Variants in FSIP1 observed in about 807,000 individuals in gnomAD.
FSIP1 encodes fibrous sheath interacting protein 1, also known as fibrous sheath-interacting protein 1.
A neutral mutation model predicts 60.9 loss-of-function variants in FSIP1; 65 were observed. That is an observed-to-expected ratio of 1.07 (90% CI 0.87 to 1.31). The LOEUF (loss-of-function observed/expected upper bound fraction) is 1.31, where lower values mean the gene tolerates loss of function less well. Among genes scored for constraint, FSIP1 ranks in the 40% most tolerant of loss-of-function variants. FSIP1 has a pLI of 0.00. For missense variants in FSIP1, 675 were observed against 665.5 expected (o/e 1.01, Z -0.16); for synonymous variants, 209 against 221.2 (o/e 0.94, Z 0.49).
intron 4 of FSIP1, among the ~76,000 whole-genome samples, chr15:39,764,949 C>T (rs80323254): frequency 2.0e-5 from 3 of 152,210 alleles, no homozygotes; most frequent in African/African-American, 7.2e-5. Flanking sequence ...TATTACACCC[C>T]TTCCTATTCC....
At chr15:39,662,915 A>G (rs1016736484) in intron 10 of FSIP1, among the ~76,000 whole-genome samples, 5 of 152,192 alleles carry the variant, frequency 3.3e-5, no homozygotes, top group African/African-American at 1.2e-4. Flanking sequence ...CTAAAGCATT[A>G]CTGTCCTGTA....
chr15:39,739,761 C>G lies in FSIP1; in HGVS notation c.684G>C (p.Glu228Asp). ...KDFTCDVERN[E>D]SLIKSGKKPF... is the part of the protein sequence containing the mutation. ...GTTTCTTTCCTGATTTGATCAATGA[C>G]TCATTTCTTTCCACATCACAGGTAA... Residue 228 changes from glutamate to aspartate, a missense_variant, in exon 7 of 12, where the codon GAG becomes GAC. By Grantham distance (45) the Glu-to-Asp change is conservative. Coordinates refer to ENST00000350221, the MANE Select transcript of FSIP1 (RefSeq NM_152597.5). 6.3e-7 allele frequency: 1 copy of G among 1,581,334 alleles called. No homozygotes were observed.
chr15:39,755,088 G>A (rs2140680633), intron 5 of FSIP1, among the ~76,000 whole-genome samples: 1 of 152,038 alleles, frequency 6.6e-6, no homozygotes, highest in Non-Finnish European at 1.5e-5. Context: ...TGAGGAAAAA[G>A]GCTTATTTGT....
chr15:39,713,197 CAT>C, intron 10 of FSIP1, among the ~76,000 whole-genome samples: 1 of 152,172 alleles, frequency 6.6e-6, no homozygotes, highest in Non-Finnish European at 1.5e-5. Context: ...TGATTTAACA[CAT>C]GAGAACAGTC....
chr15:39,750,881 A>T (rs574534654), intron 5 of FSIP1, among the ~76,000 whole-genome samples: 16 of 152,110 alleles, frequency 1.1e-4, no homozygotes, highest in African/African-American at 3.6e-4. Context: ...TGCAAATCAT[A>T]TATCTGATAA....
At chr15:39,737,845 C>A (rs1333415091) in intron 8 of FSIP1, among the ~76,000 whole-genome samples, 1 of 152,096 alleles carries the variant, frequency 6.6e-6, no homozygotes. Flanking sequence ...CTCCAGCAGG[C>A]CCCAGTGTGT....
chr15:39,781,381 A>C (rs571605889), intron 1 of FSIP1, among the ~76,000 whole-genome samples: 4 of 152,350 alleles, frequency 2.6e-5, no homozygotes, highest in Admixed American at 2.6e-4. Context: ...ACAATGCAAA[A>C]TCATCACTTT....
chr15:39,675,888 C>T (rs1595601615), intron 10 of FSIP1, among the ~76,000 whole-genome samples: 1 of 152,014 alleles, frequency 6.6e-6, no homozygotes, highest in East Asian at 1.9e-4. Context: ...GAATAGTTTG[C>T]CTGCTCACTT....
intron 3 of FSIP1, 57 bp from the exon 4 acceptor site, chr15:39,765,803 G>A: frequency 1.0e-6 from 1 of 969,168 alleles, no homozygotes. Flanking sequence ...ATAAAGTTTT[G>A]TTTTGTTCTT....
intron 11 of FSIP1, among the ~76,000 whole-genome samples, chr15:39,613,015 C>G (rs1193526103): frequency 6.6e-6 from 1 of 151,702 alleles, no homozygotes; most frequent in Non-Finnish European, 1.5e-5. Flanking sequence ...AAAAAAATAT[C>G]AGAATATATT....
intron 10 of FSIP1, among the ~76,000 whole-genome samples, chr15:39,703,946 G>A (rs551324052): frequency 1.3e-5 from 2 of 152,128 alleles, no homozygotes; most frequent in African/African-American, 2.4e-5. Flanking sequence ...ACTATTAAAT[G>A]ATAATATTCC....
At chr15:39,698,828 T>C (rs74355000) in intron 10 of FSIP1, among the ~76,000 whole-genome samples, 1 of 152,354 alleles carries the variant, frequency 6.6e-6, no homozygotes, top group African/African-American at 2.4e-5. Context: ...AACCATTTTA[T>C]ACCTGCCCAA....
At chr15:39,635,574 G>T (rs1041766311) in intron 10 of FSIP1, among the ~76,000 whole-genome samples, 3 of 152,100 alleles carry the variant, frequency 2.0e-5, no homozygotes, top group Non-Finnish European at 4.4e-5. Context: ...GGAACAATCG[G>T]ATGGGGGCTA....
chr15:39,652,313 C>T (rs1480975060), intron 10 of FSIP1, among the ~76,000 whole-genome samples: 2 of 152,208 alleles, frequency 1.3e-5, no homozygotes, highest in Non-Finnish European at 1.5e-5. Context: ...TAGATAAATG[C>T]TTTCCAGTAC....
At chr15:39,631,265 G>C (rs1891873615) in intron 10 of FSIP1, among the ~76,000 whole-genome samples, 1 of 152,162 alleles carries the variant, frequency 6.6e-6, no homozygotes, top group South Asian at 2.1e-4. Context: ...GCCCATCCTA[G>C]GCCCAACTCC....
intron 5 of FSIP1, among the ~76,000 whole-genome samples, chr15:39,754,285 G>T (rs973553596): frequency 4.6e-5 from 7 of 151,986 alleles, no homozygotes; most frequent in African/African-American, 1.7e-4. Context: ...CTGTAGCCCC[G>T]GCAACCATTT....
chr15:39,649,942 C>T (rs143585197), intron 10 of FSIP1, among the ~76,000 whole-genome samples: 1 of 152,340 alleles, frequency 6.6e-6, no homozygotes, highest in East Asian at 1.9e-4. Flanking sequence ...GTGCTCATTT[C>T]TGGCCCCACA....
At chr15:39,773,314 A>G (rs758386611) in intron 2 of FSIP1, among the ~76,000 whole-genome samples, 5 of 152,228 alleles carry the variant, frequency 3.3e-5, no homozygotes, top group Non-Finnish European at 5.9e-5. Context: ...TTCTTCCCCA[A>G]TCTAAGGTGA....
At chr15:39,779,444 A>G (rs1314001818) in intron 1 of FSIP1, among the ~76,000 whole-genome samples, 1 of 152,192 alleles carries the variant, frequency 6.6e-6, no homozygotes, top group Non-Finnish European at 1.5e-5. Flanking sequence ...TAAAGAATTC[A>G]TTTATTATAG....
Sources: allele counts gnomAD v4.1 joint callset (sites outside exome capture counted in the v4.1 genomes callset), GRCh38; gene constraint gnomAD v4.1.1; transcripts MANE v1.5; gene names NCBI Gene and HGNC (gene_info 2026-07-23, HGNC 2026-07-21).